The following PLPPR1 variants were observed in gnomAD, a reference collection of about 807,000 sequenced individuals.
PLPPR1 encodes phospholipid phosphatase-related protein type 1.
PLPPR1 carries 10 observed loss-of-function variants against 33.1 expected under a neutral mutation model. That is an observed-to-expected ratio of 0.30 (90% confidence interval 0.19 to 0.51). The LOEUF (loss-of-function observed/expected upper bound fraction) is 0.51, where lower values mean the gene tolerates loss of function less well. Among genes scored for constraint, PLPPR1 ranks in the 20% least tolerant of loss-of-function variants. PLPPR1 has a pLI of 0.97. For synonymous variants in PLPPR1, 151 were observed against 151.0 expected, an observed-to-expected ratio of 1.00 and a Z score of 0.00; for missense variants, 304 against 408.1, an observed-to-expected ratio of 0.74 and a Z score of 2.20.
intron 2 of PLPPR1, among the ~76,000 whole-genome samples, chr9:101,262,663 C>T (rs1314382992): frequency 6.6e-6 from 1 of 152,102 alleles, no homozygotes; most frequent in African/African-American, 2.4e-5. Flanking sequence ...GGTATATACC[C>T]AAAGGATTAT....
At chr9:101,273,796 G>A (rs1828140412) in intron 3 of PLPPR1, among the ~76,000 whole-genome samples, 1 of 152,086 alleles carries the variant, frequency 6.6e-6, no homozygotes. Flanking sequence ...TTAAACCAAA[G>A]ACATACCTCT....
At chr9:101,177,144 G>A (rs185892278) in intron 1 of PLPPR1, among the ~76,000 whole-genome samples, 6 of 152,066 alleles carry the variant, frequency 3.9e-5, no homozygotes, top group Admixed American at 2.0e-4. Flanking sequence ...TTCTATTTCT[G>A]TGAAAAATGC....
chr9:101,299,170 A>C (rs1159146703), intron 4 of PLPPR1, among the ~76,000 whole-genome samples: 6 of 152,380 alleles, frequency 3.9e-5, no homozygotes, highest in Non-Finnish European at 5.9e-5. Flanking sequence ...GAATTCAGCA[A>C]CAGGAACCGT....
chr9:101,191,310 A>C (rs917285336), intron 2 of PLPPR1, among the ~76,000 whole-genome samples: 3 of 152,204 alleles, frequency 2.0e-5, no homozygotes, highest in Admixed American at 1.3e-4. Flanking sequence ...CCTTAAACTC[A>C]TAACATTACT....
intron 1 of PLPPR1, among the ~76,000 whole-genome samples, chr9:101,123,989 C>T (rs1380503657): frequency 1.3e-5 from 2 of 152,142 alleles, no homozygotes; most frequent in Non-Finnish European, 2.9e-5. Context: ...TCAGCTTCTC[C>T]CGACACTCAG....
chr9:101,125,663 A>G, intron 1 of PLPPR1: 1 of 604,026 alleles, frequency 1.7e-6, no homozygotes, highest in South Asian at 1.6e-5. Context: ...GGCAATTCAC[A>G]TATTTAGCAA....
chr9:101,156,552 C>CAAAAAAAAAA (rs1162056636), intron 1 of PLPPR1, among the ~76,000 whole-genome samples: 2 of 71,322 alleles, frequency 2.8e-5, no homozygotes, highest in African/African-American at 6.4e-5. Flanking sequence ...ACCCTGTCTC[C>CAAAAAAAAAA]AAAAAAAAAA....
intron 3 of PLPPR1, among the ~76,000 whole-genome samples, chr9:101,272,814 A>G (rs1273046738): frequency 6.6e-6 from 1 of 152,222 alleles, no homozygotes; most frequent in Non-Finnish European, 1.5e-5. Context: ...ACTTTCATGT[A>G]ATTCTAGTCA....
At position 101,162,486 on chromosome 9, in the gene PLPPR1, T is replaced by C. The variant is rs368665827; in HGVS notation, c.-45-22964T>C. 2.0e-3 allele frequency among the ~76,000 whole-genome samples: 305 copies of C among 152,360 alleles called. 2 individuals are homozygous for C. The highest frequency in any genetic ancestry group is 7.0e-3 in the African/African-American group (291 of 41,594). On this transcript the variant is annotated intron_variant, in intron 1 of 7. Transcript: ENST00000374874. ...AAGGCAAAGCAAATGATTCTGTGAC[T>C]GGCTTTATTTGCTCAGGGAAGAATT...
intron 2 of PLPPR1, among the ~76,000 whole-genome samples, chr9:101,232,838 T>G (rs138462162): frequency 6.5e-4 from 99 of 152,086 alleles, no homozygotes; most frequent in African/African-American, 2.3e-3. Context: ...GCACTCAACA[T>G]TACGAGGGGC....
chr9:101,128,741 C>T lies in PLPPR1; in HGVS notation c.-45-56709C>T, dbSNP rs1429863704. Among the ~76,000 whole-genome samples, 2 of 152,218 alleles carry T rather than the reference C, an allele frequency of 1.3e-5. 1 individual carries two copies. The highest frequency in any genetic ancestry group is 6.8e-3 in the Middle Eastern group (2 of 294). ...GTGAGAGCTTTGAAAGTGGATGATT[C>T]CATAATACTCTGTCTTATTGTTTGA... On this transcript the variant is annotated intron_variant, in intron 1 of 7. Transcript: ENST00000374874.
chr9:101,287,278 C>T (rs2118917407), intron 4 of PLPPR1, among the ~76,000 whole-genome samples: 1 of 152,284 alleles, frequency 6.6e-6, no homozygotes, highest in Admixed American at 6.5e-5. Flanking sequence ...TTGCAATTGG[C>T]TTACAGGGTA....
At position 101,308,521 on chromosome 9, in the gene PLPPR1, G is replaced by C. The variant is rs1452870130; in HGVS notation, c.386-690G>C. ...TGTGTTGTAAGCCCCTCGGTTTGTG[G>C]TAATTTGTTATAGCAGCAATAGGAG... On this transcript the variant is annotated intron_variant, in intron 4 of 7. Transcript: ENST00000374874. 3.3e-5 allele frequency among the ~76,000 whole-genome samples: 5 copies of C among 152,170 alleles called. No individual in the cohort carries two copies. The East Asian group carries it at 9.6e-4, about 29-fold the overall frequency.
At chr9:101,135,108 T>G (rs933241310) in intron 1 of PLPPR1, among the ~76,000 whole-genome samples, 1 of 152,220 alleles carries the variant, frequency 6.6e-6, no homozygotes, top group Non-Finnish European at 1.5e-5. Context: ...TGCATCACAG[T>G]GTGGGATTAG....
intron 1 of PLPPR1, among the ~76,000 whole-genome samples, chr9:101,074,896 A>T (rs1380092221): frequency 6.6e-6 from 1 of 152,182 alleles, no homozygotes; most frequent in African/African-American, 2.4e-5. Flanking sequence ...CCCCAGCAGG[A>T]TCTGATTCTA....
chr9:101,127,721 C>T (rs2118606041), intron 1 of PLPPR1, among the ~76,000 whole-genome samples: 1 of 152,264 alleles, frequency 6.6e-6, no homozygotes, highest in South Asian at 2.1e-4. Flanking sequence ...TAGCCCTCCA[C>T]CCTTTAGCAC....
chr9:101,137,232 C>G (rs991389878), intron 1 of PLPPR1, among the ~76,000 whole-genome samples: 3 of 152,050 alleles, frequency 2.0e-5, no homozygotes, highest in African/African-American at 7.2e-5. Context: ...AGGGGCAGTT[C>G]TGGAGAGAAG....
intron 1 of PLPPR1, among the ~76,000 whole-genome samples, chr9:101,181,762 A>G (rs1414213829): frequency 1.4e-5 from 2 of 148,078 alleles, no homozygotes; most frequent in African/African-American, 2.5e-5. Context: ...CACAACACAC[A>G]TACATATATA....
At chr9:101,128,254 G>A (rs1162631932) in intron 1 of PLPPR1, among the ~76,000 whole-genome samples, 1 of 152,146 alleles carries the variant, frequency 6.6e-6, no homozygotes, top group Non-Finnish European at 1.5e-5. Context: ...CAGCTGTAGA[G>A]AAATTCAAAG....
Sources: allele counts gnomAD v4.1 joint callset (sites outside exome capture counted in the v4.1 genomes callset), GRCh38; gene constraint gnomAD v4.1.1; transcripts MANE v1.5; gene names NCBI Gene and HGNC (gene_info 2026-07-23, HGNC 2026-07-21).